The following PKHD1 variants were observed in gnomAD, a reference collection of about 807,000 sequenced individuals.
The protein encoded by PKHD1 is PKHD1 ciliary IPT domain containing fibrocystin/polyductin.
PKHD1 carries 291 observed loss-of-function variants against 412.0 expected under a neutral mutation model. The observed-to-expected ratio is 0.71, with a 90% confidence interval of 0.64 to 0.78. The LOEUF is 0.78. Among genes scored for constraint, PKHD1 ranks in the 30% least tolerant of loss-of-function variants. The pLI, the probability that PKHD1 is intolerant of heterozygous loss-of-function variation, is 0.00. For missense variants in PKHD1, 4,825 were observed against 4,950.7 expected (o/e 0.97, Z 0.76); for synonymous variants, 1,777 against 1,821.5 (o/e 0.98, Z 0.62).
At chr6:51,975,635 A>C (rs1165065520) in intron 35 of PKHD1, 6 of 151,288 alleles carry the variant, frequency 4.0e-5, no homozygotes, top group Non-Finnish European at 7.4e-5. Flanking sequence ...ATAAAAAAAA[A>C]AAAAAACAAA....
chr6:51,916,558 G>A (rs550920778), intron 37 of PKHD1, among the ~76,000 whole-genome samples: 129 of 152,236 alleles, frequency 8.5e-4, no homozygotes, highest in Non-Finnish European at 1.5e-3. Flanking sequence ...GGAAATAGCT[G>A]TAAATTAACT....
intron 60 of PKHD1, among the ~76,000 whole-genome samples, chr6:51,676,694 C>T (rs1775909568): frequency 6.6e-6 from 1 of 152,166 alleles, no homozygotes; most frequent in Non-Finnish European, 1.5e-5. Flanking sequence ...TATGTTGTCA[C>T]AGGCCCTCAG....
At chr6:51,863,669 A>G (rs972029568) in intron 48 of PKHD1, among the ~76,000 whole-genome samples, 7 of 152,136 alleles carry the variant, frequency 4.6e-5, no homozygotes, top group Admixed American at 2.6e-4. Flanking sequence ...AAGCCCAGAG[A>G]AGATTATGAA....
At chr6:51,910,119 T>C (rs761495440) in intron 39 of PKHD1, among the ~76,000 whole-genome samples, 1 of 152,022 alleles carries the variant, frequency 6.6e-6, no homozygotes, top group Non-Finnish European at 1.5e-5. Context: ...CACACACAAC[T>C]ATGAATGCCA....
intron 34 of PKHD1, 101 bp downstream of exon 34, chr6:52,017,309 C>T: frequency 1.1e-6 from 1 of 871,936 alleles, no homozygotes; most frequent in Non-Finnish European, 2.0e-6. Context: ...CTTACCACGG[C>T]TGCCAGGCCA....
chr6:51,725,633 G>T (rs888931476), intron 60 of PKHD1, among the ~76,000 whole-genome samples: 1 of 152,166 alleles, frequency 6.6e-6, no homozygotes, highest in African/African-American at 2.4e-5. Context: ...GGTATGAAAG[G>T]ATGTTTTACT....
chr6:51,917,854 G>A (rs1029938008), intron 37 of PKHD1, among the ~76,000 whole-genome samples: 9 of 152,080 alleles, frequency 5.9e-5, no homozygotes, highest in African/African-American at 2.2e-4. Context: ...AAAATTATTT[G>A]GAAACCACTA....
intron 43 of PKHD1, among the ~76,000 whole-genome samples, chr6:51,899,340 T>C (rs1780790037): frequency 6.6e-6 from 1 of 151,714 alleles, no homozygotes; most frequent in Non-Finnish European, 1.5e-5. Flanking sequence ...GCTTCATCCC[T>C]GGGATGCAAG....
chr6:51,759,114 G>A (rs534334975), intron 55 of PKHD1, among the ~76,000 whole-genome samples: 2 of 152,210 alleles, frequency 1.3e-5, no homozygotes, highest in South Asian at 4.1e-4. Flanking sequence ...TTTTCTATCA[G>A]TGCCATTAAA....
chr6:51,627,759 G>T (rs1049334466), intron 65 of PKHD1, among the ~76,000 whole-genome samples: 2 of 152,044 alleles, frequency 1.3e-5, no homozygotes, highest in Non-Finnish European at 2.9e-5. Context: ...GCCACCATAC[G>T]CAAGATGAGG....
intron 35 of PKHD1, among the ~76,000 whole-genome samples, 198 bp downstream of exon 35, chr6:52,010,111 T>C (rs1799615082): frequency 6.6e-6 from 1 of 152,232 alleles, no homozygotes; most frequent in Admixed American, 6.5e-5. Context: ...AACACTCATT[T>C]ATTTTTGAGA....
At chr6:52,014,689 ATATAC>A (rs1489087332) in intron 34 of PKHD1, among the ~76,000 whole-genome samples, 1 of 144,152 alleles carries the variant, frequency 6.9e-6, no homozygotes, top group Non-Finnish European at 1.5e-5. Context: ...GGATGGATGA[ATATAC>A]TGGATAGATG....
At chr6:51,677,826 C>T (rs569184430) in intron 60 of PKHD1, among the ~76,000 whole-genome samples, 40 of 152,132 alleles carry the variant, frequency 2.6e-4, no homozygotes, top group Admixed American at 5.2e-4. Flanking sequence ...CCAATAGACC[C>T]TTCTTCTGAT....
Position 52,028,246 on chromosome 6 carries a change from G to A in PKHD1, c.3470C>T (p.Ala1157Val), listed in dbSNP as rs756915684. ...DALAPVHTQS[A>V]WGLEVALPPL... ...GGGCAGTGCCACCTCCAGGCCCCAAGCCGACTGTGTGTGAACCGGAGCCAA... is the reference window on the plus strand; with the variant it reads ...GGGCAGTGCCACCTCCAGGCCCCAAACCGACTGTGTGTGAACCGGAGCCAA... Residue 1157 changes from alanine to valine, a missense_variant, in exon 30 of 67, where the codon GCT (alanine) becomes GTT (valine). Physicochemically the swap from Ala to Val is moderately conservative, Grantham distance 64. Transcript: ENST00000371117. The A allele has an allele frequency of 1.9e-6, 3 of 1,614,144 alleles. No homozygotes were observed. The highest frequency in any genetic ancestry group is 1.7e-6 in the Non-Finnish European group (2 of 1,180,012).
At chr6:51,895,810 C>T (rs1779834953) in intron 43 of PKHD1, among the ~76,000 whole-genome samples, 1 of 151,984 alleles carries the variant, frequency 6.6e-6, no homozygotes, top group Admixed American at 6.6e-5. Flanking sequence ...GTGGGTGCGC[C>T]CACCGTGCAC....
At chr6:51,946,073 C>T (rs184916598) in intron 36 of PKHD1, among the ~76,000 whole-genome samples, 7 of 152,166 alleles carry the variant, frequency 4.6e-5, no homozygotes, top group African/African-American at 1.7e-4. Flanking sequence ...AATATATAAA[C>T]ATGGGCTTTG....
At chr6:52,070,008 T>G (rs1481737379) in intron 10 of PKHD1, among the ~76,000 whole-genome samples, 1 of 152,220 alleles carries the variant, frequency 6.6e-6, no homozygotes, top group African/African-American at 2.4e-5. Flanking sequence ...TCCAGAATGC[T>G]AATTTATCAC....
intron 59 of PKHD1, among the ~76,000 whole-genome samples, chr6:51,744,913 T>G (rs140411959): frequency 2.0e-3 from 303 of 152,208 alleles, no homozygotes; most frequent in African/African-American, 7.0e-3. Flanking sequence ...TCAATTATAT[T>G]TATGCTATAT....
At chr6:51,975,260 C>T (rs1322821779) in intron 35 of PKHD1, among the ~76,000 whole-genome samples, 1 of 151,676 alleles carries the variant, frequency 6.6e-6, no homozygotes, top group African/African-American at 2.4e-5. Context: ...GGATATGACA[C>T]CAAAAGCAGT....
Sources: allele counts gnomAD v4.1 joint callset (sites outside exome capture counted in the v4.1 genomes callset), GRCh38; gene constraint gnomAD v4.1.1; transcripts MANE v1.5; gene names NCBI Gene and HGNC (gene_info 2026-07-23, HGNC 2026-07-21).